The following LRP1B variants were observed in gnomAD, a reference collection of about 807,000 sequenced individuals.
LRP1B encodes the protein LDL receptor related protein 1B, also known as low-density lipoprotein receptor-related protein 1B.
In LRP1B, 217 loss-of-function variants were observed where a neutral mutation model predicts 556.6. The ratio of observed to expected loss-of-function variants is 0.39; its 90% CI spans 0.35 to 0.44. LRP1B has a LOEUF of 0.44. Ranked by LOEUF, LRP1B falls within the 20% of genes least tolerant of loss-of-function variation. The pLI, the probability that LRP1B is intolerant of heterozygous loss-of-function variation, is 1.00. For synonymous variants in LRP1B, 2,047 were observed against 1,865.8 expected (o/e 1.10, Z -2.50); for missense variants, 5,053 against 5,620.8 (o/e 0.90, Z 3.23).
At chr2:141,655,231 A>G (rs1689960264) in intron 2 of LRP1B, among the ~76,000 whole-genome samples, 1 of 152,144 alleles carries the variant, frequency 6.6e-6, no homozygotes, top group Admixed American at 6.6e-5. Context: ...ATGGATTTAT[A>G]TTCATGCTTT....
intron 1 of LRP1B, among the ~76,000 whole-genome samples, chr2:142,091,040 T>TGA (rs1706149225): frequency 6.6e-6 from 1 of 152,138 alleles, no homozygotes; most frequent in South Asian, 2.1e-4. Flanking sequence ...TCATTGGTTA[T>TGA]GAGAGAGACT....
chr2:141,533,119 G>C (rs1033297494), intron 2 of LRP1B, among the ~76,000 whole-genome samples: 1 of 152,038 alleles, frequency 6.6e-6, no homozygotes, highest in Admixed American at 6.6e-5. Context: ...ACTTATCCTC[G>C]GTCCTTTGTC....
At chr2:140,371,331 A>C in intron 69 of LRP1B, 46 bp from the exon 70 acceptor site, 1 of 1,040,712 alleles carries the variant, frequency 9.6e-7, no homozygotes, top group East Asian at 2.6e-5. Flanking sequence ...TAAAAATAAC[A>C]GGTTTTAGAA....
At chr2:141,904,690 T>C (rs1322772936) in intron 1 of LRP1B, among the ~76,000 whole-genome samples, 1 of 151,864 alleles carries the variant, frequency 6.6e-6, no homozygotes, top group Non-Finnish European at 1.5e-5. Context: ...AGAGAGAGGA[T>C]AGCTAGGAGG....
intron 7 of LRP1B, among the ~76,000 whole-genome samples, chr2:141,103,663 T>C (rs1700525349): frequency 1.3e-5 from 2 of 151,592 alleles, no homozygotes; most frequent in African/African-American, 2.4e-5. Flanking sequence ...GCTAATTCAA[T>C]TCTTGCCAAT....
intron 1 of LRP1B, among the ~76,000 whole-genome samples, chr2:141,890,990 G>A (rs958996300): frequency 2.6e-5 from 4 of 152,052 alleles, no homozygotes; most frequent in African/African-American, 9.7e-5. Flanking sequence ...AAAAGCCAGG[G>A]TCTAAGCAGC....
rs188062836 is a variant in LRP1B at position 140,580,208 on chromosome 2, T to C, written c.7194+18423A>G. On this transcript the variant is annotated intron_variant, in intron 43 of 90. Coordinates refer to ENST00000389484, the MANE Select transcript of LRP1B (RefSeq NM_018557.3). ...AATATAGAATATGTAACTCAGCAAA[T>C]TGAGTAATATCTTAGACCAGTCACA... Among the ~76,000 whole-genome samples, 1,020 of 152,260 alleles carry C rather than the reference T, an allele frequency of 6.7e-3. 7 individuals carry two copies. Among genetic ancestry groups the C allele is most frequent in the Non-Finnish European group, 9.4e-3 (636 of 68,020 alleles).
intron 3 of LRP1B, among the ~76,000 whole-genome samples, chr2:141,359,774 C>A (rs7609421): frequency 6.8e-6 from 1 of 146,870 alleles, no homozygotes; most frequent in Admixed American, 6.9e-5. Context: ...CGCCCCGCCC[C>A]GCCCCGCCCC....
intron 7 of LRP1B, among the ~76,000 whole-genome samples, chr2:141,071,010 C>A (rs534670117): frequency 3.4e-4 from 52 of 152,226 alleles, no homozygotes; most frequent in African/African-American, 1.2e-3. Flanking sequence ...TTTTATGAGG[C>A]CAGCATCGTC....
At chr2:141,476,616 A>C (rs1213528942) in intron 3 of LRP1B, among the ~76,000 whole-genome samples, 1 of 152,202 alleles carries the variant, frequency 6.6e-6, no homozygotes, top group African/African-American at 2.4e-5. Context: ...AGATGAAAAT[A>C]TCAGTGTTAT....
intron 47 of LRP1B, among the ~76,000 whole-genome samples, chr2:140,530,257 T>G (rs1313224120): frequency 6.6e-6 from 1 of 151,564 alleles, no homozygotes; most frequent in East Asian, 1.9e-4. Flanking sequence ...GATTTGTGTG[T>G]CTGCATATAT....
intron 1 of LRP1B, among the ~76,000 whole-genome samples, chr2:141,855,128 G>T (rs985140449): frequency 1.3e-5 from 2 of 152,006 alleles, no homozygotes; most frequent in African/African-American, 4.8e-5. Flanking sequence ...CATCTGACAG[G>T]TTGTGTGAAC....
intron 1 of LRP1B, among the ~76,000 whole-genome samples, chr2:141,957,268 TG>T (rs1009607364): frequency 5.3e-5 from 8 of 151,826 alleles, no homozygotes; most frequent in African/African-American, 1.9e-4. Flanking sequence ...AGGCATGGGC[TG>T]GGAGATTCCC....
At chr2:141,097,087 A>G (rs1700342205) in intron 7 of LRP1B, among the ~76,000 whole-genome samples, 1 of 152,194 alleles carries the variant, frequency 6.6e-6, no homozygotes, top group Non-Finnish European at 1.5e-5. Flanking sequence ...TGTGGCTCTT[A>G]ATAAATGTCT....
chr2:142,054,448 CT>C (rs988979365), intron 1 of LRP1B, among the ~76,000 whole-genome samples: 4 of 152,200 alleles, frequency 2.6e-5, no homozygotes, highest in East Asian at 1.9e-4. Context: ...CGTACTACCC[CT>C]GATCCTCTCT....
intron 1 of LRP1B, among the ~76,000 whole-genome samples, chr2:142,061,947 A>G (rs972445371): frequency 6.6e-6 from 1 of 151,930 alleles, no homozygotes; most frequent in Non-Finnish European, 1.5e-5. Context: ...TGTCTCTCCA[A>G]CAGTGACTGT....
At chr2:141,194,375 A>C (rs1518805) in intron 6 of LRP1B, among the ~76,000 whole-genome samples, 56,055 of 151,890 alleles carry the variant, frequency 0.37, 11,646 homozygotes, top group Middle Eastern at 0.57. Flanking sequence ...ATGAGAACAT[A>C]AATAGGCTAA....
intron 47 of LRP1B, among the ~76,000 whole-genome samples, chr2:140,527,456 A>T (rs1690485002): frequency 6.6e-6 from 1 of 152,010 alleles, no homozygotes; most frequent in South Asian, 2.1e-4. Flanking sequence ...AGATTTTACA[A>T]AAGGGTGTGT....
chr2:141,353,346 G>A (rs950259262), intron 3 of LRP1B, among the ~76,000 whole-genome samples: 4 of 151,812 alleles, frequency 2.6e-5, no homozygotes, highest in African/African-American at 9.7e-5. Flanking sequence ...GAACCTAGAG[G>A]GGAGCCACCA....
Sources: allele counts gnomAD v4.1 joint callset (sites outside exome capture counted in the v4.1 genomes callset), GRCh38; gene constraint gnomAD v4.1.1; transcripts MANE v1.5; gene names NCBI Gene and HGNC (gene_info 2026-07-23, HGNC 2026-07-21).